CRISPLD2: variants seen among roughly 807,000 people sequenced by gnomAD.
CRISPLD2 encodes cysteine rich secretory protein LCCL domain containing 2, also known as cysteine-rich secretory protein LCCL domain-containing 2.
A neutral mutation model predicts 71.1 loss-of-function variants in CRISPLD2; 47 were observed. The ratio of observed to expected loss-of-function variants is 0.66; its 90% CI spans 0.52 to 0.84. The LOEUF (loss-of-function observed/expected upper bound fraction) is 0.84. Among genes scored for constraint, CRISPLD2 ranks in the 40% least tolerant of loss-of-function variants. The pLI is 0.00. For synonymous variants in CRISPLD2, 317 were observed against 250.1 expected (o/e 1.27, Z -2.52); for missense variants, 830 against 651.1 (o/e 1.27, Z -2.99).
intron 14 of CRISPLD2, among the ~76,000 whole-genome samples, chr16:84,890,799 A>G (rs760774825): frequency 1.3e-5 from 2 of 151,648 alleles, no homozygotes; most frequent in Non-Finnish European, 3.0e-5. Flanking sequence ...CTGTCTCAAA[A>G]AAAAGAAAAA....
At chr16:84,842,663 T>C (rs1916806743) in intron 2 of CRISPLD2, among the ~76,000 whole-genome samples, 1 of 152,116 alleles carries the variant, frequency 6.6e-6, no homozygotes, top group African/African-American at 2.4e-5. Context: ...CATGAACCAC[T>C]GTGCCCAACC....
chr16:84,845,776 T>G lies in CRISPLD2; in HGVS notation c.241-10T>G. 6.2e-7 allele frequency: 1 copy of G among 1,600,164 alleles called. No homozygotes were observed. The highest frequency in any genetic ancestry group is 8.6e-7 in the Non-Finnish European group (1 of 1,168,476). ...TCACCTCCTGGTGCCCGTTTCTCCT[T>G]CTCCTGCAGACCTGGGATGACGAAC... On this transcript the variant is annotated splice_polypyrimidine_tract_variant and intron_variant, in intron 2 of 14. Coordinates refer to ENST00000262424, the MANE Select transcript of CRISPLD2 (RefSeq NM_031476.4).
chr16:84,870,653 C>G (rs2071460498), intron 8 of CRISPLD2, among the ~76,000 whole-genome samples: 1 of 152,106 alleles, frequency 6.6e-6, no homozygotes, highest in Non-Finnish European at 1.5e-5. Context: ...TCCAAATATT[C>G]TTCACGCACT....
intron 14 of CRISPLD2, among the ~76,000 whole-genome samples, chr16:84,904,785 C>G (rs1567709018): frequency 6.6e-6 from 1 of 152,012 alleles, no homozygotes; most frequent in South Asian, 2.1e-4. Context: ...GGACCTTTGC[C>G]TCACACTATA....
chr16:84,854,770 C>A lies in CRISPLD2; in HGVS notation c.650C>A (p.Pro217His). The A allele has an allele frequency of 6.2e-7, 1 of 1,614,138 alleles. No individual in the cohort carries two copies. The highest frequency in any genetic ancestry group is 1.1e-5 in the South Asian group (1 of 91,080). Residue 217 changes from proline to histidine, a missense_variant, in exon 6 of 15, where the codon CCC (proline) becomes CAC (histidine). Coordinates refer to ENST00000262424, the MANE Select transcript of CRISPLD2 (RefSeq NM_031476.4). Reference sequence around the variant, plus strand: ...GAAGCCCCCTACAAGAATGGCCGGCCCTGCTCTGAGTGCCCACCCAGCTAT... The same window carrying A: ...GAAGCCCCCTACAAGAATGGCCGGCACTGCTCTGAGTGCCCACCCAGCTAT... ...IGEAPYKNGR[P>H]CSECPPSYGG...
chr16:84,897,180 A>C (rs2071713603), intron 14 of CRISPLD2, among the ~76,000 whole-genome samples: 1 of 152,036 alleles, frequency 6.6e-6, no homozygotes, highest in African/African-American at 2.4e-5. Flanking sequence ...GCGGCGGCTC[A>C]TGCCTGTAAT....
intron 11 of CRISPLD2, 33 bp from the exon 12 acceptor site, chr16:84,877,382 GCCTGAGGCCCAGGCGTGCTGGGA>G (rs1400850038): frequency 1.3e-6 from 2 of 1,527,112 alleles, no homozygotes; most frequent in African/African-American, 2.7e-5. Context: ...CAGCCTGGTA[GCCTGAGGCCCAGGCGTGCTGGGA>G]CCTGACCCTT....
chr16:84,872,476 G>A lies in CRISPLD2; in HGVS notation c.949G>A (p.Ala317Thr), dbSNP rs1003197762. The A allele has an allele frequency of 1.3e-5, 21 of 1,613,870 alleles. No homozygotes were observed. Among genetic ancestry groups the A allele is most frequent in the South Asian group, 1.1e-4 (10 of 91,036 alleles). The change falls in exon 9 of 15, where the codon GCG (alanine) becomes ACG (threonine). Residue 317 changes from alanine to threonine, a missense_variant. By Grantham distance (58) the Ala-to-Thr change is moderately conservative (BLOSUM62 0). Transcript: ENST00000262424. The stretch of plus-strand genomic sequence containing the variant: ...CCCAGCAGGCTGCCTGAACCACAAG[G>A]CGAAGATCTTTGGAACTCTGTTCTA... The part of the protein sequence containing the change: ...QCPAGCLNHK[A>T]KIFGTLFYES...
chr16:84,846,429 T>G (rs1273514716), intron 3 of CRISPLD2, among the ~76,000 whole-genome samples: 2 of 152,006 alleles, frequency 1.3e-5, no homozygotes, highest in African/African-American at 2.4e-5. Context: ...ATTTTTGTAT[T>G]TTTTGGTAGA....
chr16:84,841,609 T>G (rs1295649443), intron 2 of CRISPLD2, among the ~76,000 whole-genome samples: 1 of 152,056 alleles, frequency 6.6e-6, no homozygotes, highest in Admixed American at 6.5e-5. Flanking sequence ...GCACTTTTTT[T>G]TTTTGAGACA....
chr16:84,873,621 A>G, intron 10 of CRISPLD2: 1 of 316,020 alleles, frequency 3.2e-6, no homozygotes, highest in East Asian at 5.4e-5. Context: ...TTATCTTCTT[A>G]AAATTTCTTT....
chr16:84,885,550 C>G (rs752666490), intron 13 of CRISPLD2, among the ~76,000 whole-genome samples: 1 of 152,226 alleles, frequency 6.6e-6, no homozygotes, highest in Non-Finnish European at 1.5e-5. Flanking sequence ...ACTCCAGGGC[C>G]TCCCAGATAC....
chr16:84,828,879 C>A (rs1432034442), intron 1 of CRISPLD2: 1 of 152,054 alleles, frequency 6.6e-6, no homozygotes, highest in East Asian at 1.9e-4. Flanking sequence ...AATTAAGCAT[C>A]CAGACATATT....
At chr16:84,877,566 T>C in intron 12 of CRISPLD2, 56 bp downstream of exon 12, 1 of 1,564,152 alleles carries the variant, frequency 6.4e-7, no homozygotes, top group South Asian at 1.1e-5. Flanking sequence ...AGTAGCTTTT[T>C]AGGCTGGGTG....
chr16:84,907,119 T>C lies in CRISPLD2; in HGVS notation c.*477T>C, dbSNP rs1179312764. 5.6e-6 allele frequency: 1 copy of C among 178,002 alleles called. No homozygotes were observed. The highest frequency in any genetic ancestry group is 2.4e-5 in the African/African-American group (1 of 41,656). 11.0% of individuals were successfully genotyped at this position (178,002 alleles called of 1,614,324 possible). A position where few individuals can be genotyped will look rare whatever the true frequency, so the allele number is the denominator to read the frequency against. On this transcript the variant is annotated 3_prime_UTR_variant, in exon 15 of 15. Transcript: ENST00000262424. ...GAAGTAGAAGGTAGTTATTTAAAAA[T>C]AAAAAACACAGTCCGTCCCTACCAA... is the stretch of plus-strand genomic sequence containing the variant.
chr16:84,870,861 C>A (rs1446554194), intron 8 of CRISPLD2, among the ~76,000 whole-genome samples: 1 of 151,906 alleles, frequency 6.6e-6, no homozygotes, highest in African/African-American at 2.4e-5. Flanking sequence ...GAGTTTGAGA[C>A]CAGCCTGGGC....
intron 13 of CRISPLD2, among the ~76,000 whole-genome samples, chr16:84,885,718 GA>G (rs887932684): frequency 7.9e-5 from 12 of 151,854 alleles, no homozygotes; most frequent in Non-Finnish European, 2.9e-5. Context: ...TCAGGTCTTT[GA>G]TATGAATGTG....
At chr16:84,889,463 A>G in intron 14 of CRISPLD2, 100 bp downstream of exon 14, 2 of 1,294,966 alleles carry the variant, frequency 1.5e-6, no homozygotes, top group South Asian at 3.4e-5. Context: ...TTTAAAATAA[A>G]ACTCGGGTAG....
At chr16:84,884,892 C>A (rs993744945) in intron 13 of CRISPLD2, among the ~76,000 whole-genome samples, 1 of 152,226 alleles carries the variant, frequency 6.6e-6, no homozygotes, top group African/African-American at 2.4e-5. Flanking sequence ...GCCCCTCCCC[C>A]GCCAGGGCTT....
Sources: allele counts gnomAD v4.1 joint callset (sites outside exome capture counted in the v4.1 genomes callset), GRCh38; gene constraint gnomAD v4.1.1; transcripts MANE v1.5; gene names NCBI Gene and HGNC (gene_info 2026-07-23, HGNC 2026-07-21).